MIGA1: variants seen among roughly 807,000 people sequenced by gnomAD.
MIGA1 encodes the protein mitoguardin 1, also known as family with sequence similarity 73, member A.
Under a neutral mutation model 82.0 loss-of-function variants are expected in MIGA1, and 58 were observed. That is an observed-to-expected ratio of 0.71 (90% CI 0.57 to 0.88). The LOEUF is 0.88. Ranked by LOEUF, MIGA1 falls within the 40% of genes least tolerant of loss-of-function variation. MIGA1 has a pLI of 0.00. For synonymous variants in MIGA1, 249 were observed against 253.6 expected (o/e 0.98, Z 0.17); for missense variants, 751 against 749.1 (o/e 1.00, Z -0.03).
chr1:77,848,121 A>T, intron 8 of MIGA1: 1 of 1,329,076 alleles, frequency 7.5e-7, no homozygotes, highest in South Asian at 1.2e-5. Flanking sequence ...AGACGAGGAG[A>T]ACCATTACAC....
chr1:77,865,671 T>C (rs2101956581), intron 13 of MIGA1, among the ~76,000 whole-genome samples: 1 of 152,330 alleles, frequency 6.6e-6, no homozygotes, highest in Non-Finnish European at 1.5e-5. Context: ...TATATACACA[T>C]ATTTTCACTT....
chr1:77,871,817 A>C (rs769100623), intron 14 of MIGA1, among the ~76,000 whole-genome samples: 2 of 152,200 alleles, frequency 1.3e-5, no homozygotes, highest in African/African-American at 2.4e-5. Flanking sequence ...TAATCATTTT[A>C]CTAGTTTTTT....
At chr1:77,845,713 T>C (rs2101897062) in intron 8 of MIGA1, among the ~76,000 whole-genome samples, 1 of 152,300 alleles carries the variant, frequency 6.6e-6, no homozygotes, top group East Asian at 1.9e-4. Context: ...GAAAATTGTT[T>C]TAATGAAGAA....
intron 8 of MIGA1, chr1:77,848,492 A>G (rs752258759): frequency 5.6e-6 from 6 of 1,078,700 alleles, no homozygotes; most frequent in Non-Finnish European, 8.3e-6. Context: ...TTCAGAAAGG[A>G]AAGCAGCCCA....
At chr1:77,846,978 C>T in intron 8 of MIGA1, 1 of 554,954 alleles carries the variant, frequency 1.8e-6, no homozygotes, top group Non-Finnish European at 3.2e-6. Context: ...TTAGATACCT[C>T]TACTTGTACT....
At chr1:77,818,824 A>C (rs977701765) in intron 7 of MIGA1, among the ~76,000 whole-genome samples, 1 of 152,086 alleles carries the variant, frequency 6.6e-6, no homozygotes, top group Non-Finnish European at 1.5e-5. Flanking sequence ...TCACGCCTGT[A>C]ATTCCAGCAC....
intron 2 of MIGA1, among the ~76,000 whole-genome samples, chr1:77,796,164 G>A (rs1477743140): frequency 6.6e-6 from 1 of 150,690 alleles, no homozygotes; most frequent in Non-Finnish European, 1.5e-5. Context: ...TGTCACCCAG[G>A]TTGGAGCACA....
intron 7 of MIGA1, among the ~76,000 whole-genome samples, chr1:77,839,546 A>T (rs1305205304): frequency 1.3e-5 from 2 of 151,442 alleles, no homozygotes; most frequent in Non-Finnish European, 2.9e-5. Context: ...AACTTTTTAA[A>T]TTTTTTGTAG....
chr1:77,857,705 C>T (rs72685329), intron 8 of MIGA1, among the ~76,000 whole-genome samples: 4,014 of 146,300 alleles, frequency 0.027, 91 homozygotes, highest in South Asian at 0.11. Context: ...TAGAAGTTTT[C>T]TAGAAGTTTT....
chr1:77,834,567 A>C (rs1684358379), intron 7 of MIGA1, among the ~76,000 whole-genome samples: 1 of 152,082 alleles, frequency 6.6e-6, no homozygotes. Context: ...AAATATTATA[A>C]CTGTCTTAGT....
At chr1:77,872,983 T>C in intron 14 of MIGA1, 21 bp from the exon 15 acceptor site, 1 of 1,613,100 alleles carries the variant, frequency 6.2e-7, no homozygotes, top group Non-Finnish European at 8.5e-7. Flanking sequence ...AGTAACTTGA[T>C]TCTCCTTTAC....
intron 2 of MIGA1, among the ~76,000 whole-genome samples, chr1:77,795,655 A>T (rs1682623695): frequency 7.2e-6 from 1 of 138,706 alleles, no homozygotes. Context: ...TTTTGGAGAG[A>T]TTCTCACTCT....
chr1:77,846,931 C>T (rs1029511603), intron 8 of MIGA1, among the ~76,000 whole-genome samples: 4 of 151,864 alleles, frequency 2.6e-5, no homozygotes, highest in Admixed American at 1.3e-4. Flanking sequence ...TGGGCAACAG[C>T]GAGACTGTCT....
chr1:77,873,549 G>T (rs1430337729), intron 15 of MIGA1, among the ~76,000 whole-genome samples: 2 of 152,200 alleles, frequency 1.3e-5, no homozygotes, highest in Non-Finnish European at 1.5e-5. Context: ...AAGGTGAGAT[G>T]AATGATAAAA....
intron 14 of MIGA1, among the ~76,000 whole-genome samples, chr1:77,872,224 C>T (rs1014182632): frequency 1.3e-5 from 2 of 152,026 alleles, no homozygotes; most frequent in African/African-American, 2.4e-5. Flanking sequence ...CTGCCTTGGC[C>T]TCCCAAAAGT....
chr1:77,875,029 A>G lies in MIGA1; in HGVS notation c.1864A>G (p.Met622Val). ...TTGTCTAAGCAGTCATGGTCATGTT[A>G]TGTCCACTGGGCTACTGGAAGCCAA... The change falls in exon 16 of 16, where the codon ATG becomes GTG. Residue 622 changes from methionine to valine, a missense_variant. Around this residue, in one of 3 missense-constraint regions of MIGA1, gnomAD observed 265 missense variants for 293.6 expected, o/e 0.90. Coordinates refer to ENST00000370791, the MANE Select transcript of MIGA1 (RefSeq NM_198549.4). 3 of 1,614,146 alleles carry G rather than the reference A, an allele frequency of 1.9e-6. No homozygotes were observed. The highest frequency in any genetic ancestry group is 2.5e-6 in the Non-Finnish European group (3 of 1,180,016).
At chr1:77,847,215 T>A in intron 8 of MIGA1, 1 of 1,176,342 alleles carries the variant, frequency 8.5e-7, no homozygotes, top group Non-Finnish European at 1.3e-6. Flanking sequence ...CTGATGATGA[T>A]GATGAGACCT....
chr1:77,873,143 T>C, intron 15 of MIGA1, 23 bp downstream of exon 15: 3 of 1,592,184 alleles, frequency 1.9e-6, no homozygotes, highest in Non-Finnish European at 2.6e-6. Context: ...ATTGAATCAT[T>C]TCTCTTTTTT....
chr1:77,802,104 C>T (rs187682350), intron 3 of MIGA1, among the ~76,000 whole-genome samples: 4 of 152,082 alleles, frequency 2.6e-5, no homozygotes, highest in Non-Finnish European at 5.9e-5. Context: ...GTAAAGATAT[C>T]GTATGAATAA....
Sources: allele counts gnomAD v4.1 joint callset (sites outside exome capture counted in the v4.1 genomes callset), GRCh38; gene constraint gnomAD v4.1.1; regional missense constraint gnomAD v4.1.1; transcripts MANE v1.5; gene names NCBI Gene and HGNC (gene_info 2026-07-23, HGNC 2026-07-21).